The following CDH18 variants were observed in gnomAD, a reference collection of about 807,000 sequenced individuals.
CDH18 encodes the protein cadherin 18.
In CDH18, 31 loss-of-function variants were observed where a neutral mutation model predicts 67.9. The observed-to-expected ratio is 0.46, with a 90% CI of 0.34 to 0.62. The LOEUF (loss-of-function observed/expected upper bound fraction) is 0.62, where lower values mean the gene tolerates loss of function less well. CDH18 is among the 20% of genes least tolerant of loss of function. The probability of loss-of-function intolerance (pLI) is 0.01; values close to 1 mark genes in which losing one functional copy is unlikely to be tolerated. For missense variants in CDH18, 890 were observed against 975.5 expected, an observed-to-expected ratio of 0.91 and a Z score of 1.17; for synonymous variants, 362 against 347.2, an observed-to-expected ratio of 1.04 and a Z score of -0.48.
intron 2 of CDH18, among the ~76,000 whole-genome samples, chr5:19,923,414 T>A (rs1792729180): frequency 6.6e-6 from 1 of 152,160 alleles, no homozygotes; most frequent in Non-Finnish European, 1.5e-5. Flanking sequence ...TTGATACCGG[T>A]AAGTATGGAG....
chr5:20,560,829 C>T (rs941835186), intron 1 of CDH18, among the ~76,000 whole-genome samples: 60 of 151,852 alleles, frequency 4.0e-4, no homozygotes, highest in African/African-American at 9.4e-4. Context: ...AATTAGAAGA[C>T]GAGCCACAGA....
At chr5:20,518,435 G>C (rs1378836913) in intron 1 of CDH18, among the ~76,000 whole-genome samples, 1 of 152,106 alleles carries the variant, frequency 6.6e-6, no homozygotes, top group Non-Finnish European at 1.5e-5. Context: ...GTATGATTAT[G>C]TGGGCTCCCT....
At chr5:19,603,882 T>C (rs1156338538) in intron 6 of CDH18, among the ~76,000 whole-genome samples, 1 of 150,886 alleles carries the variant, frequency 6.6e-6, no homozygotes, top group East Asian at 1.9e-4. Flanking sequence ...ATTAGAATTT[T>C]TTTTACTTTT....
intron 3 of CDH18, among the ~76,000 whole-genome samples, chr5:19,748,463 G>C (rs894506494): frequency 2.0e-5 from 3 of 152,078 alleles, no homozygotes; most frequent in African/African-American, 7.2e-5. Flanking sequence ...AGTTCCAAGA[G>C]TGCCAGTGCT....
At chr5:20,482,785 A>C (rs906442787) in intron 1 of CDH18, among the ~76,000 whole-genome samples, 2 of 152,000 alleles carry the variant, frequency 1.3e-5, no homozygotes, top group African/African-American at 4.8e-5. Flanking sequence ...CAACCAATAA[A>C]AGCCGTATTC....
intron 1 of CDH18, among the ~76,000 whole-genome samples, chr5:20,501,406 ATATT>A: frequency 7.0e-6 from 1 of 143,108 alleles, no homozygotes; most frequent in South Asian, 2.1e-4. Context: ...TAAAATATAT[ATATT>A]TTTATATACA....
intron 2 of CDH18, among the ~76,000 whole-genome samples, chr5:20,070,769 CTAGA>C (rs1222362685): frequency 1.4e-4 from 22 of 152,168 alleles, no homozygotes; most frequent in African/African-American, 4.8e-4. Flanking sequence ...TCATTTACTC[CTAGA>C]TAAACTTCTC....
chr5:19,562,479 A>G (rs1739628248), intron 8 of CDH18, among the ~76,000 whole-genome samples: 1 of 152,208 alleles, frequency 6.6e-6, no homozygotes, highest in African/African-American at 2.4e-5. Context: ...GAATGCTTCC[A>G]GTGTATTCAC....
chr5:19,668,073 G>A (rs553090872), intron 5 of CDH18, among the ~76,000 whole-genome samples: 1 of 152,046 alleles, frequency 6.6e-6, no homozygotes, highest in East Asian at 1.9e-4. Flanking sequence ...ATATTTACGT[G>A]GGATAATGAC....
chr5:20,169,134 G>A (rs1736506452), intron 2 of CDH18, among the ~76,000 whole-genome samples: 1 of 152,080 alleles, frequency 6.6e-6, no homozygotes. Flanking sequence ...CTAAAAGAGT[G>A]TACTTGGATT....
chr5:19,642,863 A>G (rs1210192290), intron 5 of CDH18, among the ~76,000 whole-genome samples: 1 of 152,132 alleles, frequency 6.6e-6, no homozygotes, highest in African/African-American at 2.4e-5. Context: ...AAATAAAACA[A>G]TAAAGAGAAT....
chr5:20,030,071 A>G (rs1739255341), intron 2 of CDH18, among the ~76,000 whole-genome samples: 1 of 152,182 alleles, frequency 6.6e-6, no homozygotes, highest in South Asian at 2.1e-4. Context: ...ATTATTTTCC[A>G]GCCAAAGGCT....
At chr5:20,346,191 T>G (rs1740680555) in intron 1 of CDH18, among the ~76,000 whole-genome samples, 1 of 152,190 alleles carries the variant, frequency 6.6e-6, no homozygotes, top group African/African-American at 2.4e-5. Flanking sequence ...TACCCTGTGT[T>G]TCCACCTGGA....
At chr5:19,994,286 T>C (rs576340748) in intron 2 of CDH18, among the ~76,000 whole-genome samples, 2 of 147,362 alleles carry the variant, frequency 1.4e-5, no homozygotes, top group South Asian at 4.2e-4. Flanking sequence ...TATATACACA[T>C]ATATGTATAC....
chr5:20,202,418 G>T (rs1209241818), intron 2 of CDH18, among the ~76,000 whole-genome samples: 1 of 152,030 alleles, frequency 6.6e-6, no homozygotes, highest in Non-Finnish European at 1.5e-5. Flanking sequence ...TCCCCTCAAA[G>T]TTGCTCTGTA....
intron 3 of CDH18, among the ~76,000 whole-genome samples, chr5:19,794,895 G>A (rs1484680344): frequency 1.3e-5 from 2 of 152,072 alleles, no homozygotes; most frequent in African/African-American, 2.4e-5. Flanking sequence ...AGGGACAAAT[G>A]TAAGTGATTT....
At chr5:19,480,299 T>C (rs544397720) in intron 12 of CDH18, among the ~76,000 whole-genome samples, 19 of 152,024 alleles carry the variant, frequency 1.2e-4, no homozygotes, top group Non-Finnish European at 2.2e-4. Flanking sequence ...AAAAGAAGTA[T>C]GTTAATATCT....
chr5:20,096,920 T>C (rs956742596), intron 2 of CDH18, among the ~76,000 whole-genome samples: 1 of 152,138 alleles, frequency 6.6e-6, no homozygotes, highest in Non-Finnish European at 1.5e-5. Flanking sequence ...TCACTTTACA[T>C]GTAGGAAGAA....
chr5:20,329,041 T>C (rs1175513849), intron 1 of CDH18, among the ~76,000 whole-genome samples: 5 of 152,160 alleles, frequency 3.3e-5, no homozygotes, highest in African/African-American at 1.2e-4. Context: ...TATTAGCTAT[T>C]TACTTGAACC....
Sources: gnomAD v4.1 joint callset for allele counts (sites outside exome capture counted in the v4.1 genomes callset) on GRCh38, gnomAD v4.1.1 for gene constraint, MANE v1.5 for transcripts, NCBI Gene and HGNC (gene_info 2026-07-23, HGNC 2026-07-21) for gene names.